The following GCC2 variants were observed in gnomAD, a reference collection of about 807,000 sequenced individuals.
The protein encoded by GCC2 is GRIP and coiled-coil domain containing 2, also known as GRIP and coiled-coil domain-containing protein 2.
Under a neutral mutation model 210.6 loss-of-function variants are expected in GCC2, and 120 were observed. The ratio of observed to expected loss-of-function variants is 0.57; its 90% CI spans 0.49 to 0.66. The LOEUF (loss-of-function observed/expected upper bound fraction) is 0.66. GCC2 is among the 30% of genes least tolerant of loss of function. The probability of loss-of-function intolerance (pLI) is 0.00; values close to 1 mark genes in which losing one functional copy is unlikely to be tolerated. For missense variants in GCC2, 1,868 were observed against 1,871.9 expected (o/e 1.00, Z 0.04); for synonymous variants, 703 against 652.7 (o/e 1.08, Z -1.17).
rs12104502 is a variant in GCC2, at chr2:108,489,925, A to G, written c.4140A>G (p.Gln1380=). The G allele has an allele frequency of 0.41, 664,043 of 1,606,380 alleles. 145,911 individuals are homozygous for G. Among genetic ancestry groups the G allele is most frequent in the East Asian group, 0.84 (37,594 of 44,490 alleles). ...TACAGATTAATGTATCTGAACTTCA[A>G]ACATTGCAGTCTGAACATGATACAC... ...NNLQINVSEL[Q]TLQSEHDTLL... Residue 1380 remains glutamine (Q), a synonymous_variant, in exon 18 of 23, where the codon CAA becomes CAG. Transcript: ENST00000309863.
At chr2:108,458,515 T>C (rs1680387947) in intron 4 of GCC2, among the ~76,000 whole-genome samples, 1 of 151,944 alleles carries the variant, frequency 6.6e-6, no homozygotes, top group African/African-American at 2.4e-5. Context: ...TAGGTCTTTA[T>C]ACATTTGGTA....
At position 108,471,229 on chromosome 2, in the gene GCC2, ACAAT is replaced by A. The variant is rs1216852012; in HGVS notation, c.1902_1905del (p.Ile635SerfsTer6). 1 of 1,606,128 alleles carries A rather than the reference ACAAT, an allele frequency of 6.2e-7. No homozygotes were observed. Among genetic ancestry groups the A allele is most frequent in the Non-Finnish European group, 8.5e-7 (1 of 1,177,882 alleles). ...TGAACTTGGGAAGAAAGTAGAGCAAACAATCCAGTACAACAGTGAACTAGAACAA... is the reference window on the plus strand; with the variant it reads ...TGAACTTGGGAAGAAAGTAGAGCAAACCAGTACAACAGTGAACTAGAACAA... On this transcript the variant is annotated frameshift_variant, in exon 6 of 23. Coordinates refer to ENST00000309863, the MANE Select transcript of GCC2 (RefSeq NM_181453.4). LOFTEE classifies it high-confidence loss of function.
chr2:108,469,028 G>T lies in GCC2; in HGVS notation c.265G>T (p.Glu89Ter). 6.2e-7 allele frequency: 1 copy of T among 1,613,202 alleles called. No individual in the cohort carries two copies. Among genetic ancestry groups the T allele is most frequent in the South Asian group, 1.1e-5 (1 of 91,040 alleles). Residue 89 changes from glutamate to a stop codon, truncating the protein, a stop_gained, in exon 5 of 23, where the codon GAG (glutamate) becomes TAG (stop). Coordinates refer to ENST00000309863, the MANE Select transcript of GCC2 (RefSeq NM_181453.4). LOFTEE classifies it high-confidence loss of function. ...DALLLEKAETEQQCLSLKKEN... is the reference protein window; with the variant it reads ...DALLLEKAET The stretch of plus-strand genomic sequence containing the variant: ...TCTTCTTCTGGAAAAAGCAGAGACT[G>T]AGCAACAGTGTCTTTCTCTGAAAAA...
At position 108,475,824 on chromosome 2, in the gene GCC2, C is replaced by T; in HGVS notation, c.3034C>T (p.Leu1012Phe). The change falls in exon 9 of 23, where the codon CTC becomes TTC. Residue 1012 changes from leucine (L) to phenylalanine (F), a missense_variant. This residue lies in a region of GCC2 where 1,847 missense variants were observed against 1,765.2 expected (regional missense o/e 1.05). Coordinates refer to ENST00000309863, the MANE Select transcript of GCC2 (RefSeq NM_181453.4). Reference protein sequence around the residue: ...KDQLSASMRDLIQGAESYKNL... With the variant: ...KDQLSASMRDFIQGAESYKNL... ...CCAGTTATCTGCTTCCATGAGAGAT[C>T]TCATTCAAGGAGCAGAAAGCTATAA... The T allele has an allele frequency of 1.9e-6, 3 of 1,589,766 alleles. No homozygotes were observed. Among genetic ancestry groups the T allele is most frequent in the Non-Finnish European group, 2.6e-6 (3 of 1,166,278 alleles).
At chr2:108,491,395 G>A (rs1472287224) in intron 18 of GCC2, among the ~76,000 whole-genome samples, 1 of 152,016 alleles carries the variant, frequency 6.6e-6, no homozygotes, top group African/African-American at 2.4e-5. Flanking sequence ...TGCTTTCTGG[G>A]TAGATATTGT....
intron 9 of GCC2, among the ~76,000 whole-genome samples, chr2:108,479,631 A>T (rs1201792259): frequency 6.6e-6 from 1 of 151,584 alleles, no homozygotes; most frequent in Non-Finnish European, 1.5e-5. Flanking sequence ...ACAGAGCAAG[A>T]CCCTGTCTCA....
intron 7 of GCC2, 129 bp downstream of exon 7, chr2:108,473,028 G>C: frequency 3.6e-6 from 2 of 550,102 alleles, no homozygotes; most frequent in Non-Finnish European, 6.2e-6. Context: ...TCTTTTCCTC[G>C]AGCTCACATT....
rs1681310914 is a variant in GCC2, at chr2:108,472,851, G to C, written c.2812G>C (p.Val938Leu). 6.3e-7 allele frequency: 1 copy of C among 1,592,252 alleles called. No individual in the cohort carries two copies. The highest frequency in any genetic ancestry group is 1.7e-5 in the Admixed American group (1 of 58,238). ...GGATTCCTTAGCAAAATCACCTTCT[G>C]TAAAAAATGATCCTCTGTCTTCAGT... Reference protein sequence around the residue: ...LKDSLAKSPSVKNDPLSSVKE... With the variant: ...LKDSLAKSPSLKNDPLSSVKE... Residue 938 changes from valine (V) to leucine (L), a missense_variant, in exon 7 of 23, where the codon GTA (valine) becomes CTA (leucine). By Grantham distance (32) the Val-to-Leu change is conservative (BLOSUM62 1). Transcript: ENST00000309863.
In GCC2 at chr2:108,475,889, GTAA is replaced by G. The variant is rs781121212; in HGVS notation, c.3060+46_3060+48del. The G allele has an allele frequency of 1.4e-5, 15 of 1,078,666 alleles. No individual in the cohort carries two copies. In the Admixed American group the frequency reaches 2.1e-4, roughly 15 times the overall value. 66.8% of individuals were successfully genotyped at this position (1,078,666 alleles called of 1,614,324 possible). ...ATTTTAATAACAAGTTATAAAAGTT[GTAA>G]TAATAACTTCTAAGTTAAGAAATGT... On this transcript the variant is annotated intron_variant, in intron 9 of 22. Transcript: ENST00000309863.
intron 3 of GCC2, among the ~76,000 whole-genome samples, chr2:108,451,705 A>G (rs1411050832): frequency 6.6e-6 from 1 of 152,198 alleles, no homozygotes; most frequent in Non-Finnish European, 1.5e-5. Context: ...CTATTAGAAA[A>G]GATAAAAGTA....
chr2:108,480,330 A>G (rs571811801), intron 9 of GCC2, among the ~76,000 whole-genome samples: 2 of 152,328 alleles, frequency 1.3e-5, no homozygotes, highest in South Asian at 2.1e-4. Context: ...TAGTTCAGCC[A>G]TTGTGGAAAA....
At chr2:108,452,358 T>C (rs781451584) in intron 3 of GCC2, 41 bp from the exon 4 acceptor site, 2 of 1,034,708 alleles carry the variant, frequency 1.9e-6, no homozygotes, top group Admixed American at 1.8e-5. Flanking sequence ...AATTATGTTC[T>C]TTATTTCTGA....
intron 22 of GCC2, among the ~76,000 whole-genome samples, chr2:108,504,589 GC>G (rs1683094046): frequency 6.6e-6 from 1 of 151,980 alleles, no homozygotes; most frequent in Non-Finnish European, 1.5e-5. Flanking sequence ...AATTCACCTT[GC>G]CCCCACACAC....
intron 9 of GCC2, among the ~76,000 whole-genome samples, chr2:108,480,782 A>G (rs760303172): frequency 3.3e-5 from 5 of 152,182 alleles, no homozygotes; most frequent in Admixed American, 6.5e-5. Context: ...GGAGAGGATC[A>G]GGAAAAATAA....
chr2:108,474,083 G>T (rs2718703), intron 7 of GCC2, among the ~76,000 whole-genome samples: 1 of 151,810 alleles, frequency 6.6e-6, no homozygotes, highest in African/African-American at 2.4e-5. Context: ...GCATGAACCC[G>T]GGAGGCAGAG....
At chr2:108,449,734 G>A in intron 2 of GCC2, 45 bp downstream of exon 2, 1 of 1,510,142 alleles carries the variant, frequency 6.6e-7, no homozygotes, top group East Asian at 2.3e-5. Flanking sequence ...GAGTGGAAGG[G>A]TGATGAATTG....
chr2:108,479,038 C>CA lies in GCC2; in HGVS notation c.3061-2652dup, dbSNP rs761822382. ...GAAACCCCATCTCTACTAAAAAATA[C>CA]AAAAAAATTAGCTGGACGTGGTGGC... On this transcript the variant is annotated intron_variant, in intron 9 of 22. Coordinates refer to ENST00000309863, the MANE Select transcript of GCC2 (RefSeq NM_181453.4). Among the ~76,000 whole-genome samples the CA allele has an allele frequency of 6.6e-5, 10 of 151,838 alleles. No individual in the cohort carries two copies. The South Asian group carries it at 8.3e-4, about 13-fold the overall frequency.
intron 22 of GCC2, among the ~76,000 whole-genome samples, chr2:108,505,953 A>G (rs530112296): frequency 5.3e-5 from 8 of 152,278 alleles, no homozygotes; most frequent in African/African-American, 1.7e-4. Flanking sequence ...CCTAAGGTCA[A>G]ACTGACATAC....
At chr2:108,500,035 G>A (rs1416427692) in intron 22 of GCC2, among the ~76,000 whole-genome samples, 4 of 152,110 alleles carry the variant, frequency 2.6e-5, no homozygotes, top group African/African-American at 7.2e-5. Context: ...TTGCGTTCTG[G>A]TGTTCAGCTG....
Sources: allele counts gnomAD v4.1 joint callset (sites outside exome capture counted in the v4.1 genomes callset), GRCh38; gene constraint gnomAD v4.1.1; regional missense constraint gnomAD v4.1.1; transcripts MANE v1.5; gene names NCBI Gene and HGNC (gene_info 2026-07-23, HGNC 2026-07-21).